RALYL: variants seen among roughly 807,000 people sequenced by gnomAD.
The protein encoded by RALYL is RNA-binding Raly-like protein.
Under a neutral mutation model 35.1 loss-of-function variants are expected in RALYL, and 29 were observed. That is an observed-to-expected ratio of 0.83 (90% CI 0.61 to 1.13). The LOEUF (loss-of-function observed/expected upper bound fraction) is 1.13, where lower values mean the gene tolerates loss of function less well. Among genes scored for constraint, RALYL ranks in the 50% most tolerant of loss-of-function variants. RALYL has a pLI of 0.00. For synonymous variants in RALYL, 120 were observed against 127.6 expected, an observed-to-expected ratio of 0.94 and a Z score of 0.40; for missense variants, 359 against 360.4, an observed-to-expected ratio of 1.00 and a Z score of 0.03.
At chr8:84,641,083 T>G (rs1400442983) in intron 2 of RALYL, among the ~76,000 whole-genome samples, 1 of 151,608 alleles carries the variant, frequency 6.6e-6, no homozygotes, top group Admixed American at 6.6e-5. Flanking sequence ...AGACAAGAAT[T>G]TATCATTCAT....
intron 7 of RALYL, among the ~76,000 whole-genome samples, chr8:84,878,272 C>T (rs866898591): frequency 2.6e-5 from 4 of 151,954 alleles, no homozygotes; most frequent in African/African-American, 4.8e-5. Flanking sequence ...AGAAAGTTTC[C>T]GTAATTACTG....
chr8:84,793,046 G>C (rs1169882590), intron 3 of RALYL, among the ~76,000 whole-genome samples: 1 of 152,214 alleles, frequency 6.6e-6, no homozygotes, highest in African/African-American at 2.4e-5. Context: ...AAGACTGACA[G>C]AAGTTAGAGT....
intron 2 of RALYL, among the ~76,000 whole-genome samples, chr8:84,644,345 GA>G (rs1827025695): frequency 6.6e-6 from 1 of 151,928 alleles, no homozygotes; most frequent in Admixed American, 6.6e-5. Context: ...AACAAATATT[GA>G]ACATCTTGTA....
At chr8:84,733,510 A>G (rs1387741338) in intron 2 of RALYL, among the ~76,000 whole-genome samples, 1 of 152,170 alleles carries the variant, frequency 6.6e-6, no homozygotes, top group Non-Finnish European at 1.5e-5. Flanking sequence ...TATTAATAGT[A>G]TTGATACTAG....
intron 1 of RALYL, among the ~76,000 whole-genome samples, chr8:84,423,842 G>C (rs574405459): frequency 0.029 from 4,376 of 151,324 alleles, 190 homozygotes; most frequent in African/African-American, 0.098. Context: ...ATTCTGGGTT[G>C]AAAATTCTTT....
In RALYL at chr8:84,683,261, A is replaced by G. The variant is rs543651293; in HGVS notation, c.257-91318A>G. 2.0e-4 allele frequency among the ~76,000 whole-genome samples: 31 copies of G among 152,266 alleles called. No individual in the cohort carries two copies. The East Asian group carries it at 5.6e-3, about 28-fold the overall frequency. Reference sequence around the variant, plus strand: ...TTTGCTGAGGAGAGCTTTACTTCCAAGTATGTGGTCAATTTTGGAATAGGT... The same window carrying G: ...TTTGCTGAGGAGAGCTTTACTTCCAGGTATGTGGTCAATTTTGGAATAGGT... On this transcript the variant is annotated intron_variant, in intron 2 of 8. Transcript: ENST00000521268.
chr8:84,632,775 T>A (rs1824205383), intron 2 of RALYL, among the ~76,000 whole-genome samples: 1 of 151,956 alleles, frequency 6.6e-6, no homozygotes, highest in South Asian at 2.1e-4. Context: ...AACAACATTA[T>A]TTTGAATAGG....
intron 1 of RALYL, among the ~76,000 whole-genome samples, chr8:84,198,654 C>T (rs149924428): frequency 4.5e-4 from 69 of 152,248 alleles, no homozygotes; most frequent in African/African-American, 1.5e-3. Flanking sequence ...ACCTCCCTGC[C>T]ACCCTTCCCA....
At chr8:84,494,034 TG>T (rs2134090278) in intron 1 of RALYL, among the ~76,000 whole-genome samples, 2 of 152,304 alleles carry the variant, frequency 1.3e-5, no homozygotes, top group East Asian at 3.9e-4. Context: ...TTTATGGTTT[TG>T]GGTTTTACCT....
chr8:84,744,650 T>G (rs1044186386), intron 2 of RALYL, among the ~76,000 whole-genome samples: 1 of 151,944 alleles, frequency 6.6e-6, no homozygotes, highest in Non-Finnish European at 1.5e-5. Flanking sequence ...TCTAAACTAC[T>G]CACAAAAAGA....
rs1295208875 is a variant in RALYL, at chr8:84,712,220, A to G, written c.257-62359A>G. On this transcript the variant is annotated intron_variant, in intron 2 of 8. Transcript: ENST00000521268. ...AAATTGTAATTTTATAGATTCCTCC[A>G]TGGAATCACATGTGCATGGATAGAA... Among the ~76,000 whole-genome samples the G allele has an allele frequency of 5.3e-5, 8 of 152,144 alleles. No homozygotes were observed. In the South Asian group the frequency reaches 8.3e-4, roughly 16 times the overall value.
intron 2 of RALYL, among the ~76,000 whole-genome samples, chr8:84,562,012 G>T (rs943547733): frequency 6.6e-6 from 1 of 151,876 alleles, no homozygotes; most frequent in Non-Finnish European, 1.5e-5. Context: ...CAGTATATAA[G>T]ACTTTTTTCC....
At chr8:84,482,621 T>C (rs1459299897) in intron 1 of RALYL, among the ~76,000 whole-genome samples, 1 of 152,044 alleles carries the variant, frequency 6.6e-6, no homozygotes, top group Non-Finnish European at 1.5e-5. Context: ...AGAACACAGA[T>C]ATCCAAAACA....
intron 1 of RALYL, among the ~76,000 whole-genome samples, chr8:84,300,302 G>A (rs1035683717): frequency 4.0e-5 from 6 of 151,712 alleles, no homozygotes; most frequent in African/African-American, 1.5e-4. Context: ...GTCTGAGAGT[G>A]TGATTGGTAT....
chr8:84,794,670 G>A (rs1821504629), intron 3 of RALYL, among the ~76,000 whole-genome samples: 1 of 152,192 alleles, frequency 6.6e-6, no homozygotes, highest in African/African-American at 2.4e-5. Context: ...GAAAGGATGA[G>A]ACCCCACTCT....
At chr8:84,185,544 A>T (rs1329306651) in intron 1 of RALYL, among the ~76,000 whole-genome samples, 1 of 152,204 alleles carries the variant, frequency 6.6e-6, no homozygotes, top group Non-Finnish European at 1.5e-5. Context: ...AATCTGCTGG[A>T]AATTTTTCTG....
chr8:84,869,387 A>T (rs1404935855), intron 6 of RALYL, among the ~76,000 whole-genome samples: 3 of 152,184 alleles, frequency 2.0e-5, no homozygotes, highest in Non-Finnish European at 2.9e-5. Flanking sequence ...ATAATGTATA[A>T]TGGCTGGGGA....
At chr8:84,199,222 C>G (rs41351250) in intron 1 of RALYL, among the ~76,000 whole-genome samples, 30 of 152,130 alleles carry the variant, frequency 2.0e-4, no homozygotes, top group African/African-American at 6.3e-4. Context: ...ATTGTCTTTT[C>G]GATGTGCATT....
intron 2 of RALYL, among the ~76,000 whole-genome samples, chr8:84,680,533 C>T (rs978801608): frequency 3.9e-4 from 59 of 152,148 alleles, no homozygotes; most frequent in African/African-American, 1.3e-3. Context: ...TTTTTAATGA[C>T]TGCCATTCTA....
Sources: gnomAD v4.1 joint callset for allele counts (sites outside exome capture counted in the v4.1 genomes callset) on GRCh38, gnomAD v4.1.1 for gene constraint, MANE v1.5 for transcripts, NCBI Gene and HGNC (gene_info 2026-07-23, HGNC 2026-07-21) for gene names.